Variants in RADIL observed in about 807,000 individuals in gnomAD.
RADIL encodes Rap associating with DIL domain, also known as ras-associating and dilute domain-containing protein.
RADIL carries 99 observed loss-of-function variants against 97.6 expected under a neutral mutation model. That is an observed-to-expected ratio of 1.01 (90% CI 0.86 to 1.20). RADIL has a LOEUF of 1.20. Among genes scored for constraint, RADIL ranks in the 50% most tolerant of loss-of-function variants. RADIL has a pLI of 0.00. For missense variants in RADIL, 1,765 were observed against 1,498.9 expected, an observed-to-expected ratio of 1.18 and a Z score of -2.93; for synonymous variants, 803 against 691.8, an observed-to-expected ratio of 1.16 and a Z score of -2.52.
intron 9 of RADIL, 51 bp from the exon 10 acceptor site, chr7:4,805,767 A>T: frequency 1.3e-6 from 2 of 1,564,750 alleles, no homozygotes; most frequent in Non-Finnish European, 1.7e-6. Flanking sequence ...TGCAGACCCC[A>T]GCCCAAAGAG....
intron 2 of RADIL, among the ~76,000 whole-genome samples, chr7:4,843,771 G>A (rs1318846715): frequency 3.3e-5 from 5 of 152,048 alleles, no homozygotes; most frequent in Non-Finnish European, 1.5e-5. Context: ...AATTAGCCAG[G>A]CATGGTGGTG....
At chr7:4,807,794 CTCT>C in intron 9 of RADIL, among the ~76,000 whole-genome samples, 4 of 76,692 alleles carry the variant, frequency 5.2e-5, no homozygotes, top group African/African-American at 5.7e-5. Flanking sequence ...CCTCCGTCTC[CTCT>C]CCCTCCCTCT....
rs368898203 is a variant in RADIL, at chr7:4,821,382, C to T, written c.1615+1012G>A. Among the ~76,000 whole-genome samples, 47 of 152,318 alleles carry T rather than the reference C, an allele frequency of 3.1e-4. No homozygotes were observed. The South Asian group carries it at 9.5e-3, about 31-fold the overall frequency. On this transcript the variant is annotated intron_variant, in intron 6 of 14. Coordinates refer to ENST00000399583, the MANE Select transcript of RADIL (RefSeq NM_018059.5). This position sits in a 1 kb window ranked among gnomAD's most constrained non-coding sequence, Gnocchi z 5.2. Reference sequence around the variant, plus strand: ...GCTCCTCACTTCCGCAGCACAGCAGCACAGTCCTGCTGCCCCGTCTGGCTC... The same window carrying T: ...GCTCCTCACTTCCGCAGCACAGCAGTACAGTCCTGCTGCCCCGTCTGGCTC...
At chr7:4,845,516 G>A (rs955093235) in intron 2 of RADIL, among the ~76,000 whole-genome samples, 5 of 152,144 alleles carry the variant, frequency 3.3e-5, no homozygotes, top group Admixed American at 2.0e-4. Flanking sequence ...CATACACTAA[G>A]AAAACACCAG....
At chr7:4,844,227 C>T (rs1381333352) in intron 2 of RADIL, among the ~76,000 whole-genome samples, 3 of 152,072 alleles carry the variant, frequency 2.0e-5, no homozygotes, top group South Asian at 2.1e-4. Flanking sequence ...AGGCAGATCA[C>T]GAAGTCAAGA....
chr7:4,822,514 G>A lies in RADIL; in HGVS notation c.1495C>T (p.Leu499=), dbSNP rs992074732. The A allele has an allele frequency of 5.0e-6, 8 of 1,613,076 alleles. No homozygotes were observed. Among genetic ancestry groups the A allele is most frequent in the Non-Finnish European group, 5.9e-6 (7 of 1,179,996 alleles). Residue 499 remains leucine (L), a synonymous_variant, in exon 6 of 15, where the codon CTG becomes TTG. Coordinates refer to ENST00000399583, the MANE Select transcript of RADIL (RefSeq NM_018059.5). This position sits in a 1 kb window ranked among gnomAD's most constrained non-coding sequence, Gnocchi z 5.3. ...ISLASCAMAD[L]VPDLQPILFW... is the part of the protein sequence containing the mutation. ...AGAATGGGCTGCAAGTCTGGAACCA[G>A]ATCAGCCATGGCGCAGCTGGCCAGC...
intron 5 of RADIL, among the ~76,000 whole-genome samples, chr7:4,827,305 C>T (rs539891015): frequency 4.8e-5 from 7 of 146,882 alleles, no homozygotes; most frequent in Admixed American, 6.9e-5. Context: ...GCGGAGGCTG[C>T]GGTGAAATGC....
chr7:4,815,493 TG>T lies in RADIL; in HGVS notation c.1967-44del. ...GAGGGTGATGCCTGGGCTGCCCTCC[TG>T]GGGGGACACAGACATGGGCCTGTCC... On this transcript the variant is annotated intron_variant, in intron 8 of 14. Transcript: ENST00000399583. This position sits in a 1 kb window ranked among gnomAD's most constrained non-coding sequence, Gnocchi z 8.0. The T allele has an allele frequency of 4.1e-6, 6 of 1,453,442 alleles. No homozygotes were observed. Among genetic ancestry groups the T allele is most frequent in the Non-Finnish European group, 5.5e-6 (6 of 1,097,570 alleles). 90.0% of individuals were successfully genotyped at this position (1,453,442 alleles called of 1,614,324 possible).
chr7:4,823,193 C>A (rs1473123510), intron 5 of RADIL, among the ~76,000 whole-genome samples: 3 of 152,094 alleles, frequency 2.0e-5, no homozygotes, highest in Non-Finnish European at 4.4e-5. Context: ...TGGTGGCTCA[C>A]GCCTGTAATC....
rs1020666236 is a variant in RADIL at position 4,840,565 on chromosome 7, A to C, written c.536-3960T>G. Among the ~76,000 whole-genome samples, 5 of 152,304 alleles carry C rather than the reference A, an allele frequency of 3.3e-5. No homozygotes were observed. Among genetic ancestry groups the C allele is most frequent in the East Asian group, 1.9e-4 (1 of 5,178 alleles). ...AGGGACTGCCTGATTTGGGGGTCTTATATAGGTGTGCTCTTTGCCAAGAAC... is the reference window on the plus strand; with the variant it reads ...AGGGACTGCCTGATTTGGGGGTCTTCTATAGGTGTGCTCTTTGCCAAGAAC... On this transcript the variant is annotated intron_variant, in intron 2 of 14. Coordinates refer to ENST00000399583, the MANE Select transcript of RADIL (RefSeq NM_018059.5). This position sits in a 1 kb window ranked among gnomAD's most constrained non-coding sequence, Gnocchi z 5.6.
chr7:4,880,106 T>C lies in RADIL; in HGVS notation c.-64-1903A>G, dbSNP rs932786492. On this transcript the variant is annotated intron_variant, in intron 1 of 14. Coordinates refer to ENST00000399583, the MANE Select transcript of RADIL (RefSeq NM_018059.5). The surrounding 1 kb of genome is among the most constrained non-coding windows in gnomAD (Gnocchi z 4.5). ...TTCACCACGGCAAAGGCTTTCGCTG[T>C]GCCTGGCTTTCTGAAGAGGTGAATT... Among the ~76,000 whole-genome samples, 3 of 152,174 alleles carry C rather than the reference T, an allele frequency of 2.0e-5. No homozygotes were observed. Among genetic ancestry groups the C allele is most frequent in the African/African-American group, 4.8e-5 (2 of 41,448 alleles).
intron 10 of RADIL, chr7:4,804,023 A>G: frequency 1.9e-6 from 1 of 525,254 alleles, no homozygotes; most frequent in South Asian, 1.9e-5. Flanking sequence ...CTCCAGCCCC[A>G]CTGAGCCGCT....
chr7:4,841,089 T>G (rs752799499), intron 2 of RADIL, among the ~76,000 whole-genome samples: 1 of 152,226 alleles, frequency 6.6e-6, no homozygotes, highest in Non-Finnish European at 1.5e-5. Flanking sequence ...GGGAAGTTAT[T>G]CATCTTAAAT....
chr7:4,815,183 C>T lies in RADIL; in HGVS notation c.2139+95G>A, dbSNP rs1472010584. The T allele has an allele frequency of 7.2e-7, 1 of 1,392,378 alleles. No homozygotes were observed. Among genetic ancestry groups the T allele is most frequent in the Non-Finnish European group, 9.5e-7 (1 of 1,056,954 alleles). The allele number at this position is 1,392,378 out of a possible 1,614,324, so 86.3% of individuals were successfully genotyped here. On this transcript the variant is annotated intron_variant, in intron 9 of 14. Transcript: ENST00000399583. This position sits in a 1 kb window ranked among gnomAD's most constrained non-coding sequence, Gnocchi z 8.0. ...CTTTGAGGTTTCCAGCCAAGAAGCC[C>T]CGTCCCGGCCCCCAGGCTTGGTTTG...
chr7:4,817,733 T>A lies in RADIL; in HGVS notation c.1616-382A>T, dbSNP rs563036292. ...GGTCACCTCTCACTCGCGACACGGG[T>A]CACAGGACTCTGGCAGCAGCCCCTG... is the stretch of plus-strand genomic sequence containing the variant. On this transcript the variant is annotated intron_variant, in intron 6 of 14. Coordinates refer to ENST00000399583, the MANE Select transcript of RADIL (RefSeq NM_018059.5). The surrounding 1 kb of genome is among the most constrained non-coding windows in gnomAD (Gnocchi z 8.3). 3.6e-4 allele frequency among the ~76,000 whole-genome samples: 55 copies of A among 152,208 alleles called. 1 individual carries two copies. The highest frequency in any genetic ancestry group is 1.3e-3 in the African/African-American group (54 of 41,540).
intron 2 of RADIL, chr7:4,860,613 G>A (rs753432026): frequency 1.9e-6 from 3 of 1,613,998 alleles, no homozygotes; most frequent in Admixed American, 1.7e-5. Flanking sequence ...ACCAGGATTC[G>A]GATCTTTGAT....
chr7:4,861,885 G>A, intron 2 of RADIL: 6 of 558,372 alleles, frequency 1.1e-5, no homozygotes, highest in South Asian at 8.7e-5. Flanking sequence ...GTCATGATCC[G>A]CTGAGGCGGA....
intron 4 of RADIL, among the ~76,000 whole-genome samples, chr7:4,833,541 C>T (rs73314501): frequency 0.024 from 3,715 of 152,262 alleles, 117 homozygotes; most frequent in African/African-American, 0.076. Flanking sequence ...TGCACAGAGA[C>T]GGCTCCCACT....
At position 4,819,984 on chromosome 7, in the gene RADIL, C is replaced by A. The variant is rs1209180499; in HGVS notation, c.1615+2410G>T. ...AGCACGGGGACCACATGGGACCCAGCTGCCTGCGGCCACCAAACCCAGGCA... is the reference window on the plus strand; with the variant it reads ...AGCACGGGGACCACATGGGACCCAGATGCCTGCGGCCACCAAACCCAGGCA... On this transcript the variant is annotated intron_variant, in intron 6 of 14. Transcript: ENST00000399583. The surrounding 1 kb of genome is among the most constrained non-coding windows in gnomAD (Gnocchi z 5.8). Among the ~76,000 whole-genome samples, 1 of 152,262 alleles carries A rather than the reference C, an allele frequency of 6.6e-6. No individual in the cohort carries two copies. Among genetic ancestry groups the A allele is most frequent in the Non-Finnish European group, 1.5e-5 (1 of 68,044 alleles).
Sources: allele counts gnomAD v4.1 joint callset (sites outside exome capture counted in the v4.1 genomes callset), GRCh38; gene constraint gnomAD v4.1.1; non-coding constraint Gnocchi (gnomAD v3.1); transcripts MANE v1.5; gene names NCBI Gene and HGNC (gene_info 2026-07-23, HGNC 2026-07-21).